The following SLC17A7 variants were observed in gnomAD, a reference collection of about 807,000 sequenced individuals.
The protein encoded by SLC17A7 is vesicular glutamate transporter 1.
Under a neutral mutation model 59.1 loss-of-function variants are expected in SLC17A7, and 15 were observed. That is an observed-to-expected ratio of 0.25 (90% CI 0.17 to 0.39). SLC17A7 has a LOEUF of 0.39. Ranked by LOEUF, SLC17A7 falls within the 10% of genes least tolerant of loss-of-function variation. The pLI is 1.00. For missense variants in SLC17A7, 499 were observed against 765.1 expected (o/e 0.65, Z 4.10); for synonymous variants, 353 against 308.9 (o/e 1.14, Z -1.50).
At position 49,435,279 on chromosome 19, in the gene SLC17A7, T is replaced by G. The variant is rs1412899112; in HGVS notation, c.323A>C (p.Gln108Pro). Residue 108 changes from glutamine to proline, a missense_variant, in exon 3 of 12, where the codon CAG (glutamine) becomes CCG (proline). Coordinates refer to ENST00000221485, the MANE Select transcript of SLC17A7 (RefSeq NM_020309.4). Reference protein sequence around the residue: ...RGGHVVVQKAQFSWDPETVGL... With the variant: ...RGGHVVVQKAPFSWDPETVGL... The stretch of plus-strand genomic sequence containing the variant: ...GACAGTCTCTGGATCCCAGCTGAAC[T>G]GGGCTTTCTGCGGGCCAAAATGTAC... 14 of 1,613,310 alleles carry G rather than the reference T, an allele frequency of 8.7e-6. No homozygotes were observed. In the East Asian group the frequency reaches 3.1e-4, roughly 36 times the overall value.
rs201065381 is a variant in SLC17A7, at chr19:49,430,676, C to A, written c.1526G>T (p.Gly509Val). ...EPEEMSEEKC[G>V]FVGHDQLAGS... The stretch of plus-strand genomic sequence containing the variant: ...AGCCAGCTGGTCATGGCCAACGAAG[C>A]CACACTTCTCCTCGCTCATCTCCTC... Residue 509 changes from glycine to valine, a missense_variant, in exon 12 of 12, where the codon GGC becomes GTC. This residue lies in a region of SLC17A7 where 98 missense variants were observed against 77.5 expected (regional missense o/e 1.27). Transcript: ENST00000221485. 7 of 1,614,162 alleles carry A rather than the reference C, an allele frequency of 4.3e-6. No individual in the cohort carries two copies. The highest frequency in any genetic ancestry group is 5.9e-6 in the Non-Finnish European group (7 of 1,180,014).
intron 1 of SLC17A7, chr19:49,437,006 C>T: frequency 1.5e-6 from 1 of 677,728 alleles, no homozygotes; most frequent in Non-Finnish European, 2.4e-6. Context: ...GAATTCAGGC[C>T]CCCAGCCCCC....
chr19:49,441,210 C>T, intron 1 of SLC17A7, 108 bp downstream of exon 1: 3 of 1,523,346 alleles, frequency 2.0e-6, no homozygotes, highest in Non-Finnish European at 2.6e-6. Context: ...GATGGGTGGA[C>T]CCCCATGCCG....
chr19:49,436,955 C>G lies in SLC17A7; in HGVS notation c.63-154G>C. 1 of 1,143,672 alleles carries G rather than the reference C, an allele frequency of 8.7e-7. No homozygotes were observed. The highest frequency in any genetic ancestry group is 1.2e-6 in the Non-Finnish European group (1 of 833,446). The allele number at this position is 1,143,672 out of a possible 1,614,324, so 70.8% of individuals were successfully genotyped here. A position where few individuals can be genotyped will look rare whatever the true frequency, so the allele number is the denominator to read the frequency against. ...AAGAGTCCAGGTCCCTGGCTCCCTT[C>G]GCCCCCCTGATCCAGAAATCCTCCA... On this transcript the variant is annotated intron_variant, in intron 1 of 11. Transcript: ENST00000221485. The surrounding 1 kb of genome is among the most constrained non-coding windows in gnomAD (Gnocchi z 4.1).
Position 49,429,737 on chromosome 19 carries a change from T to A in SLC17A7, c.*782A>T, listed in dbSNP as rs2078950584. On this transcript the variant is annotated 3_prime_UTR_variant, in exon 12 of 12. Coordinates refer to ENST00000221485, the MANE Select transcript of SLC17A7 (RefSeq NM_020309.4). ...ATGAAACCACCATGGGGGAGTTCAATGGTGGTAGCTTCAAACCTTTGAGTT... is the reference window on the plus strand; with the variant it reads ...ATGAAACCACCATGGGGGAGTTCAAAGGTGGTAGCTTCAAACCTTTGAGTT... 2.5e-6 allele frequency: 1 copy of A among 396,062 alleles called. No homozygotes were observed. Among genetic ancestry groups the A allele is most frequent in the Non-Finnish European group, 4.4e-6 (1 of 224,746 alleles). The allele number at this position is 396,062 out of a possible 1,614,324, so 24.5% of individuals were successfully genotyped here.
At chr19:49,441,209 A>T in intron 1 of SLC17A7, 109 bp downstream of exon 1, 4 of 1,521,974 alleles carry the variant, frequency 2.6e-6, no homozygotes, top group South Asian at 1.2e-5. Context: ...AGATGGGTGG[A>T]CCCCCATGCC....
In SLC17A7 at chr19:49,430,671, C is replaced by T. The variant is rs145455204; in HGVS notation, c.1531G>A (p.Val511Ile). 7 of 1,614,156 alleles carry T rather than the reference C, an allele frequency of 4.3e-6. No homozygotes were observed. The Admixed American group carries it at 8.3e-5, about 19-fold the overall frequency. Residue 511 changes from valine to isoleucine, a missense_variant, in exon 12 of 12, where the codon GTT (valine) becomes ATT (isoleucine). Val to Ile is a conservative substitution (Grantham distance 29). This residue lies in a region of SLC17A7 where 98 missense variants were observed against 77.5 expected (regional missense o/e 1.27). Coordinates refer to ENST00000221485, the MANE Select transcript of SLC17A7 (RefSeq NM_020309.4). ...EEMSEEKCGF[V>I]GHDQLAGSDD... ...CTGCCAGCCAGCTGGTCATGGCCAA[C>T]GAAGCCACACTTCTCCTCGCTCATC...
Position 49,433,529 on chromosome 19 carries a change from C to T in SLC17A7, c.867+197G>A. On this transcript the variant is annotated intron_variant, in intron 7 of 11. Coordinates refer to ENST00000221485, the MANE Select transcript of SLC17A7 (RefSeq NM_020309.4). This position sits in a 1 kb window ranked among gnomAD's most constrained non-coding sequence, Gnocchi z 5.7. ...AGTGGTTCTAATCCTGCTCAACTCC[C>T]GACCTAACCCTGCCCCCAGCACCTG... 2 of 746,314 alleles carry T rather than the reference C, an allele frequency of 2.7e-6. No homozygotes were observed. Among genetic ancestry groups the T allele is most frequent in the Non-Finnish European group, 4.7e-6 (2 of 424,984 alleles). 46.2% of individuals were successfully genotyped at this position (746,314 alleles called of 1,614,324 possible). A position where few individuals can be genotyped will look rare whatever the true frequency, so the allele number is the denominator to read the frequency against.
intron 8 of SLC17A7, 48 bp from the exon 9 acceptor site, chr19:49,432,699 C>A: frequency 1.2e-6 from 2 of 1,604,840 alleles, no homozygotes; most frequent in Non-Finnish European, 1.7e-6. Flanking sequence ...GCCGCCGGCT[C>A]GGCGTCTCTG....
intron 1 of SLC17A7, among the ~76,000 whole-genome samples, chr19:49,439,138 T>C (rs889036215): frequency 6.6e-6 from 1 of 152,050 alleles, no homozygotes; most frequent in Non-Finnish European, 1.5e-5. Context: ...TAGGAGGCCA[T>C]TACCCCAAAT....
Position 49,436,400 on chromosome 19 carries a change from A to G in SLC17A7, c.315+149T>C. On this transcript the variant is annotated intron_variant, in intron 2 of 11. Transcript: ENST00000221485. The surrounding 1 kb of genome is among the most constrained non-coding windows in gnomAD (Gnocchi z 4.1). The stretch of plus-strand genomic sequence containing the variant: ...GGCCCCTAAGGCGAGGTCAGAACTA[A>G]GGGGCGCACGGATTGGGCGGAGCTA... 1.9e-6 allele frequency: 2 copies of G among 1,075,126 alleles called. No homozygotes were observed. The highest frequency in any genetic ancestry group is 2.6e-6 in the Non-Finnish European group (2 of 755,062). The allele number at this position is 1,075,126 out of a possible 1,614,324, so 66.6% of individuals were successfully genotyped here.
rs902413584 is a variant in SLC17A7, at chr19:49,431,238, T to C, written c.1262-96A>G. The C allele has an allele frequency of 6.3e-7, 1 of 1,580,334 alleles. No homozygotes were observed. Among genetic ancestry groups the C allele is most frequent in the South Asian group, 1.2e-5 (1 of 86,756 alleles). On this transcript the variant is annotated intron_variant, in intron 10 of 11. Coordinates refer to ENST00000221485, the MANE Select transcript of SLC17A7 (RefSeq NM_020309.4). This position sits in a 1 kb window ranked among gnomAD's most constrained non-coding sequence, Gnocchi z 4.6. Reference sequence around the variant, plus strand: ...AACCCTCTCCCCTCCCCGCCACTCATGTTCCACCTTTTGTGAGGCTGAGAG... The same window carrying C: ...AACCCTCTCCCCTCCCCGCCACTCACGTTCCACCTTTTGTGAGGCTGAGAG...
In SLC17A7 at chr19:49,433,212, C is replaced by T; in HGVS notation, c.868-252G>A. ...TCTCAGGTCCGCAGGTGTCCGGGCCCCTCAGGGACCTGTCTTTTTCTTTTT... is the reference window on the plus strand; with the variant it reads ...TCTCAGGTCCGCAGGTGTCCGGGCCTCTCAGGGACCTGTCTTTTTCTTTTT... On this transcript the variant is annotated intron_variant, in intron 7 of 11. Transcript: ENST00000221485. This position sits in a 1 kb window ranked among gnomAD's most constrained non-coding sequence, Gnocchi z 5.7. The T allele has an allele frequency of 1.8e-6, 1 of 541,946 alleles. No individual in the cohort carries two copies. The allele number at this position is 541,946 out of a possible 1,614,324, so 33.6% of individuals were successfully genotyped here. A position where few individuals can be genotyped will look rare whatever the true frequency, so the allele number is the denominator to read the frequency against.
Position 49,435,254 on chromosome 19 carries a change from G to C in SLC17A7, c.348C>G (p.Val116=). 6.2e-7 allele frequency: 1 copy of C among 1,614,038 alleles called. No homozygotes were observed. The highest frequency in any genetic ancestry group is 1.3e-5 in the African/African-American group (1 of 75,022). The stretch of plus-strand genomic sequence containing the variant: ...AGAAAAAGGAGCCGTGTATGAGGCC[G>C]ACAGTCTCTGGATCCCAGCTGAACT... ...KAQFSWDPET[V]GLIHGSFFWG... is the part of the protein sequence containing the mutation. The change falls in exon 3 of 12, where the codon GTC becomes GTG. Residue 116 remains valine (V), a synonymous_variant. Coordinates refer to ENST00000221485, the MANE Select transcript of SLC17A7 (RefSeq NM_020309.4).
chr19:49,433,861 G>A lies in SLC17A7; in HGVS notation c.732C>T (p.Phe244=), dbSNP rs1189264361. 6.2e-7 allele frequency: 1 copy of A among 1,610,974 alleles called. No homozygotes were observed. Among genetic ancestry groups the A allele is most frequent in the African/African-American group, 1.3e-5 (1 of 74,808 alleles). The change falls in exon 7 of 12, where the codon TTC becomes TTT. Residue 244 remains phenylalanine (F), a synonymous_variant. Coordinates refer to ENST00000221485, the MANE Select transcript of SLC17A7 (RefSeq NM_020309.4). This position sits in a 1 kb window ranked among gnomAD's most constrained non-coding sequence, Gnocchi z 5.7. ...WSSVFYVYGS[F]GIFWYLFWLL... ...GCCAGAACAGGTACCAGAAGATCCC[G>A]AAGCTGCCTGGGGGGGTCAGGAGGG...
chr19:49,439,756 G>A (rs1012554681), intron 1 of SLC17A7, among the ~76,000 whole-genome samples: 1 of 152,202 alleles, frequency 6.6e-6, no homozygotes, highest in Non-Finnish European at 1.5e-5. Flanking sequence ...GATGGTCCTG[G>A]CCAGAGCCCG....
At position 49,429,864 on chromosome 19, in the gene SLC17A7, C is replaced by G. The variant is rs2078951051; in HGVS notation, c.*655G>C. ...TAAAATTGCGATTTTGGTTGTTTCC[C>G]CAGACATTATGCTAAGCTAGGGAGA... On this transcript the variant is annotated 3_prime_UTR_variant, in exon 12 of 12. Transcript: ENST00000221485. 3.3e-6 allele frequency: 1 copy of G among 306,190 alleles called. No homozygotes were observed. The highest frequency in any genetic ancestry group is 6.0e-6 in the Non-Finnish European group (1 of 166,986). The allele number at this position is 306,190 out of a possible 1,614,324, so 19.0% of individuals were successfully genotyped here. A position where few individuals can be genotyped will look rare whatever the true frequency, so the allele number is the denominator to read the frequency against.
chr19:49,433,611 G>C lies in SLC17A7; in HGVS notation c.867+115C>G, dbSNP rs921221568. ...CTCCTAGGTTCTAGCCCCTCTCTTT[G>C]CGTTCCAGTCCCGTCTCCTCTAGAG... On this transcript the variant is annotated intron_variant, in intron 7 of 11. Coordinates refer to ENST00000221485, the MANE Select transcript of SLC17A7 (RefSeq NM_020309.4). The surrounding 1 kb of genome is among the most constrained non-coding windows in gnomAD (Gnocchi z 5.7). 8 of 1,459,162 alleles carry C rather than the reference G, an allele frequency of 5.5e-6. No individual in the cohort carries two copies. In the Admixed American group the frequency reaches 1.5e-4, roughly 27 times the overall value. The allele number at this position is 1,459,162 out of a possible 1,614,324, so 90.4% of individuals were successfully genotyped here.
rs755158454 is a variant in SLC17A7, at chr19:49,430,680, A to T, written c.1522T>A (p.Cys508Ser). 2 of 1,614,098 alleles carry T rather than the reference A, an allele frequency of 1.2e-6. No individual in the cohort carries two copies. The highest frequency in any genetic ancestry group is 2.2e-5 in the South Asian group (2 of 91,078). Reference protein sequence around the residue: ...AEPEEMSEEKCGFVGHDQLAG... With the variant: ...AEPEEMSEEKSGFVGHDQLAG... ...AGCTGGTCATGGCCAACGAAGCCAC[A>T]CTTCTCCTCGCTCATCTCCTCAGGC... The change falls in exon 12 of 12, where the codon TGT becomes AGT. Residue 508 changes from cysteine to serine, a missense_variant. Physicochemically the swap from Cys to Ser is moderately radical, Grantham distance 112 (BLOSUM62 -1). Around this residue, in one of 3 missense-constraint regions of SLC17A7, gnomAD observed 98 missense variants for 77.5 expected, o/e 1.27. Transcript: ENST00000221485.
Sources: gnomAD v4.1 joint callset for allele counts (sites outside exome capture counted in the v4.1 genomes callset) on GRCh38, gnomAD v4.1.1 for gene constraint, gnomAD v4.1.1 regional missense constraint, Gnocchi (gnomAD v3.1) non-coding constraint, MANE v1.5 for transcripts, NCBI Gene and HGNC (gene_info 2026-07-23, HGNC 2026-07-21) for gene names.